Variants in ALK observed in about 807,000 individuals in gnomAD.
ALK encodes ALK receptor tyrosine kinase, also known as ALK tyrosine kinase receptor.
ALK carries 74 observed loss-of-function variants against 163.1 expected under a neutral mutation model. The ratio of observed to expected loss-of-function variants is 0.45; its 90% CI spans 0.38 to 0.55. The LOEUF (loss-of-function observed/expected upper bound fraction) is 0.55, where lower values mean the gene tolerates loss of function less well. Ranked by LOEUF, ALK falls within the 20% of genes least tolerant of loss-of-function variation. ALK has a pLI of 0.00. For missense variants in ALK, 2,063 were observed against 2,105.3 expected (o/e 0.98, Z 0.39); for synonymous variants, 960 against 843.2 (o/e 1.14, Z -2.40).
At chr2:29,564,531 C>T (rs1213130460) in intron 3 of ALK, among the ~76,000 whole-genome samples, 4 of 151,956 alleles carry the variant, frequency 2.6e-5, no homozygotes, top group Non-Finnish European at 4.4e-5. Flanking sequence ...GATTTCCTGT[C>T]GCTACTGTTG....
At chr2:29,560,606 C>T (rs1673993678) in intron 3 of ALK, among the ~76,000 whole-genome samples, 1 of 151,750 alleles carries the variant, frequency 6.6e-6, no homozygotes, top group East Asian at 1.9e-4. Flanking sequence ...GGATCTTGCT[C>T]TGTTGCCCAG....
intron 3 of ALK, among the ~76,000 whole-genome samples, chr2:29,557,832 G>A (rs1398130588): frequency 6.6e-6 from 1 of 152,142 alleles, no homozygotes; most frequent in Non-Finnish European, 1.5e-5. Flanking sequence ...GGGTTAGGGT[G>A]GACATTTGCA....
chr2:29,579,052 T>C lies in ALK; in HGVS notation c.953-46936A>G, dbSNP rs560811864. 2.0e-5 allele frequency among the ~76,000 whole-genome samples: 3 copies of C among 152,340 alleles called. No individual in the cohort carries two copies. The South Asian group carries it at 6.2e-4, about 32-fold the overall frequency. ...GTACTAGCTATCTGCACTTTGATGTTCTGGAGAGCACCTGGCTTGCCAGGC... is the reference window on the plus strand; with the variant it reads ...GTACTAGCTATCTGCACTTTGATGTCCTGGAGAGCACCTGGCTTGCCAGGC... On this transcript the variant is annotated intron_variant, in intron 3 of 28. Coordinates refer to ENST00000389048, the MANE Select transcript of ALK (RefSeq NM_004304.5).
intron 1 of ALK, among the ~76,000 whole-genome samples, chr2:29,788,425 C>G (rs996033456): frequency 6.6e-6 from 1 of 152,180 alleles, no homozygotes; most frequent in African/African-American, 2.4e-5. Context: ...AGACCAGGAG[C>G]AACAGTTGCT....
At chr2:29,880,554 A>G (rs1355867584) in intron 1 of ALK, among the ~76,000 whole-genome samples, 1 of 152,218 alleles carries the variant, frequency 6.6e-6, no homozygotes, top group African/African-American at 2.4e-5. Context: ...CTCCTACTTT[A>G]TAAGTCCCCA....
At chr2:29,363,238 A>G (rs141966208) in intron 5 of ALK, among the ~76,000 whole-genome samples, 87 of 152,304 alleles carry the variant, frequency 5.7e-4, no homozygotes, top group African/African-American at 2.0e-3. Flanking sequence ...ACTAACATAA[A>G]TCAATGGCTC....
intron 11 of ALK, among the ~76,000 whole-genome samples, chr2:29,271,108 C>T (rs767726733): frequency 2.1e-4 from 32 of 152,228 alleles, no homozygotes; most frequent in Admixed American, 1.8e-3. Flanking sequence ...CCGGACCTGC[C>T]GGGCCTGAGT....
chr2:29,860,405 A>C (rs1666250249), intron 1 of ALK, among the ~76,000 whole-genome samples: 2 of 151,988 alleles, frequency 1.3e-5, no homozygotes, highest in South Asian at 2.1e-4. Context: ...AAAAAAAAAA[A>C]AACAGAAAAG....
In ALK at chr2:29,713,034, G is replaced by T. The variant is rs529364482; in HGVS notation, c.787+4544C>A. ...AAATTCAAAGTTAATATGTAGGCAGGGCCATGCTCTCTCTGAAGCACTAAA... is the reference window on the plus strand; with the variant it reads ...AAATTCAAAGTTAATATGTAGGCAGTGCCATGCTCTCTCTGAAGCACTAAA... On this transcript the variant is annotated intron_variant, in intron 2 of 28. Coordinates refer to ENST00000389048, the MANE Select transcript of ALK (RefSeq NM_004304.5). Among the ~76,000 whole-genome samples the T allele has an allele frequency of 2.6e-5, 4 of 152,202 alleles. No homozygotes were observed. The East Asian group carries it at 7.7e-4, about 29-fold the overall frequency.
chr2:29,592,027 G>C (rs1348655834), intron 3 of ALK, among the ~76,000 whole-genome samples: 1 of 151,980 alleles, frequency 6.6e-6, no homozygotes, highest in Non-Finnish European at 1.5e-5. Context: ...TTGAAGGCTG[G>C]GGGTATTGTC....
chr2:29,336,974 G>A (rs993194010), intron 5 of ALK, among the ~76,000 whole-genome samples: 2 of 152,086 alleles, frequency 1.3e-5, no homozygotes, highest in Non-Finnish European at 2.9e-5. Flanking sequence ...GGGGACTCAG[G>A]TCAAACCTGG....
chr2:29,743,928 A>G (rs1364242193), intron 1 of ALK, among the ~76,000 whole-genome samples: 1 of 150,380 alleles, frequency 6.6e-6, no homozygotes, highest in Non-Finnish European at 1.5e-5. Context: ...CGAGATACAT[A>G]AAATCTCCCT....
intron 5 of ALK, among the ~76,000 whole-genome samples, chr2:29,346,368 C>T (rs1337043922): frequency 6.6e-6 from 1 of 152,228 alleles, no homozygotes; most frequent in Non-Finnish European, 1.5e-5. Context: ...AGCTCATTCA[C>T]ACCCCTGACC....
intron 3 of ALK, among the ~76,000 whole-genome samples, chr2:29,578,076 C>T (rs969209484): frequency 2.6e-5 from 4 of 151,686 alleles, no homozygotes; most frequent in African/African-American, 9.7e-5. Flanking sequence ...TGAATTCCCA[C>T]GTGTTATGGG....
rs184804075 is a variant in ALK at position 29,528,336 on chromosome 2, C to T, written c.1154+3579G>A. The stretch of plus-strand genomic sequence containing the variant: ...ACCATCAAGCTTGCGTTCTTGCATC[C>T]GGGAGAGGACCAATTTTACACAGAC... On this transcript the variant is annotated intron_variant, in intron 4 of 28. Transcript: ENST00000389048. 9.2e-5 allele frequency among the ~76,000 whole-genome samples: 14 copies of T among 152,282 alleles called. No individual in the cohort carries two copies. The East Asian group carries it at 1.5e-3, about 17-fold the overall frequency.
At chr2:29,537,003 G>C (rs1673275281) in intron 3 of ALK, among the ~76,000 whole-genome samples, 1 of 152,210 alleles carries the variant, frequency 6.6e-6, no homozygotes, top group Non-Finnish European at 1.5e-5. Flanking sequence ...AACAGTCTAT[G>C]ATCAGATATG....
chr2:29,892,087 C>G lies in ALK; in HGVS notation c.667+27906G>C, dbSNP rs186056507. 1.6e-3 allele frequency among the ~76,000 whole-genome samples: 240 copies of G among 152,300 alleles called. 1 individual carries two copies. The highest frequency in any genetic ancestry group is 6.8e-3 in the Middle Eastern group (2 of 294). Reference sequence around the variant, plus strand: ...CAGTCTTACCTACTACCTGCACCCCCACCATGGAAGGATGTGGTTTCCTGT... The same window carrying G: ...CAGTCTTACCTACTACCTGCACCCCGACCATGGAAGGATGTGGTTTCCTGT... On this transcript the variant is annotated intron_variant, in intron 1 of 28. Transcript: ENST00000389048.
intron 5 of ALK, among the ~76,000 whole-genome samples, chr2:29,376,654 A>G (rs1229817768): frequency 1.3e-5 from 2 of 152,232 alleles, no homozygotes; most frequent in Non-Finnish European, 2.9e-5. Context: ...ACTGTGATCT[A>G]CATTTTACAA....
intron 7 of ALK, among the ~76,000 whole-genome samples, chr2:29,318,821 C>T (rs1573223885): frequency 6.6e-6 from 1 of 152,266 alleles, no homozygotes; most frequent in African/African-American, 2.4e-5. Flanking sequence ...CCGTCTCGGC[C>T]TCCCAAAGTG....
Sources: gnomAD v4.1 joint callset for allele counts (sites outside exome capture counted in the v4.1 genomes callset) on GRCh38, gnomAD v4.1.1 for gene constraint, MANE v1.5 for transcripts, NCBI Gene and HGNC (gene_info 2026-07-23, HGNC 2026-07-21) for gene names.